PLCH1: variants seen among roughly 807,000 people sequenced by gnomAD.
PLCH1 encodes 1-phosphatidylinositol 4,5-bisphosphate phosphodiesterase eta-1.
PLCH1 carries 60 observed loss-of-function variants against 126.7 expected under a neutral mutation model. The observed-to-expected ratio is 0.47, with a 90% confidence interval of 0.38 to 0.59. The LOEUF (loss-of-function observed/expected upper bound fraction) is 0.59, where lower values mean the gene tolerates loss of function less well. PLCH1 is among the 20% of genes least tolerant of loss of function. PLCH1 has a pLI of 0.00. For missense variants in PLCH1, 1,723 were observed against 2,040.0 expected (o/e 0.84, Z 2.99); for synonymous variants, 719 against 734.9 (o/e 0.98, Z 0.35).
chr3:155,669,927 C>T (rs528153163), intron 2 of PLCH1, among the ~76,000 whole-genome samples: 7 of 152,196 alleles, frequency 4.6e-5, no homozygotes, highest in Admixed American at 6.5e-5. Context: ...ACATCAATGG[C>T]GTAACTCCTT....
chr3:155,556,268 G>A (rs952552361), intron 8 of PLCH1, among the ~76,000 whole-genome samples: 2 of 152,124 alleles, frequency 1.3e-5, no homozygotes, highest in East Asian at 1.9e-4. Context: ...CAGGAGAATC[G>A]CTTGAACCCG....
intron 2 of PLCH1, among the ~76,000 whole-genome samples, chr3:155,648,374 C>T (rs971643698): frequency 2.0e-5 from 3 of 152,184 alleles, no homozygotes; most frequent in South Asian, 2.1e-4. Flanking sequence ...GGCAACTTTA[C>T]GGACAGATGG....
intron 2 of PLCH1, among the ~76,000 whole-genome samples, chr3:155,678,709 C>A (rs908280617): frequency 1.3e-5 from 2 of 152,162 alleles, no homozygotes; most frequent in African/African-American, 2.4e-5. Flanking sequence ...ACCTCAACAA[C>A]CTTACAGCCT....
chr3:155,705,132 G>A (rs1195999873), intron 1 of PLCH1, among the ~76,000 whole-genome samples: 1 of 152,130 alleles, frequency 6.6e-6, no homozygotes, highest in African/African-American at 2.4e-5. Context: ...ACCCACAGGT[G>A]GAAAACAATT....
chr3:155,629,985 G>A (rs1737836455), intron 2 of PLCH1, among the ~76,000 whole-genome samples: 1 of 152,192 alleles, frequency 6.6e-6, no homozygotes, highest in African/African-American at 2.4e-5. Flanking sequence ...ATCTAAAGCA[G>A]CCTCCTAGTT....
At chr3:155,608,451 A>T (rs1005179689) in intron 2 of PLCH1, among the ~76,000 whole-genome samples, 1 of 151,944 alleles carries the variant, frequency 6.6e-6, no homozygotes, top group African/African-American at 2.4e-5. Context: ...GCAAGGTCTG[A>T]GCCTGGTGCA....
chr3:155,722,153 G>A (rs1229777454), intron 1 of PLCH1, among the ~76,000 whole-genome samples: 1 of 152,040 alleles, frequency 6.6e-6, no homozygotes, highest in East Asian at 1.9e-4. Flanking sequence ...CTGTGGGTTT[G>A]TCGTAGATGT....
intron 12 of PLCH1, 69 bp from the exon 13 acceptor site, chr3:155,504,695 G>T: frequency 9.7e-7 from 1 of 1,032,276 alleles, no homozygotes; most frequent in Non-Finnish European, 1.5e-6. Context: ...AGTTCTGGTG[G>T]AATAGCAAGG....
chr3:155,500,287 T>C (rs1034862106), intron 14 of PLCH1, among the ~76,000 whole-genome samples: 2 of 152,238 alleles, frequency 1.3e-5, no homozygotes, highest in Non-Finnish European at 2.9e-5. Flanking sequence ...AAGAGACAGA[T>C]ACAATGAGGA....
chr3:155,674,186 T>C (rs1743850975), intron 2 of PLCH1, among the ~76,000 whole-genome samples: 1 of 152,218 alleles, frequency 6.6e-6, no homozygotes, highest in South Asian at 2.1e-4. Context: ...CTTCTCAGTG[T>C]TGTTCAGAAT....
intron 11 of PLCH1, among the ~76,000 whole-genome samples, chr3:155,521,936 T>A (rs896643450): frequency 6.6e-6 from 1 of 152,246 alleles, no homozygotes; most frequent in African/African-American, 2.4e-5. Context: ...CATGGAATCA[T>A]GTTCCAAACC....
chr3:155,582,673 G>A (rs999301292), intron 6 of PLCH1, among the ~76,000 whole-genome samples: 46 of 152,086 alleles, frequency 3.0e-4, no homozygotes, highest in African/African-American at 1.1e-3. Context: ...ATATTAAGAC[G>A]ATTGGTCCAT....
intron 10 of PLCH1, among the ~76,000 whole-genome samples, chr3:155,541,259 T>A (rs1052264894): frequency 6.6e-6 from 1 of 152,104 alleles, no homozygotes; most frequent in African/African-American, 2.4e-5. Flanking sequence ...GGGCAAGGGA[T>A]AAAAGACTGC....
chr3:155,730,353 C>T (rs1748680156), intron 1 of PLCH1, among the ~76,000 whole-genome samples: 1 of 151,926 alleles, frequency 6.6e-6, no homozygotes, highest in African/African-American at 2.4e-5. Context: ...GTAACCTTGG[C>T]TCACTACAAC....
At chr3:155,526,224 C>T (rs1041119441) in intron 10 of PLCH1, among the ~76,000 whole-genome samples, 2 of 152,112 alleles carry the variant, frequency 1.3e-5, no homozygotes, top group African/African-American at 4.8e-5. Flanking sequence ...GCAATCCCCT[C>T]CCTTTGAGCG....
At chr3:155,674,030 G>C (rs1320243458) in intron 2 of PLCH1, among the ~76,000 whole-genome samples, 1 of 152,114 alleles carries the variant, frequency 6.6e-6, no homozygotes, top group East Asian at 1.9e-4. Flanking sequence ...ACAACCTTGT[G>C]AGGTAAGCAA....
At chr3:155,615,092 A>G (rs866335329) in intron 2 of PLCH1, among the ~76,000 whole-genome samples, 7 of 152,196 alleles carry the variant, frequency 4.6e-5, no homozygotes, top group Admixed American at 2.6e-4. Context: ...CAGCAAGAAA[A>G]AAACAAAAAA....
chr3:155,733,660 G>T (rs1318805200), intron 1 of PLCH1, among the ~76,000 whole-genome samples: 1 of 151,538 alleles, frequency 6.6e-6, no homozygotes, highest in Non-Finnish European at 1.5e-5. Context: ...TCTGAGCAAT[G>T]ATTTTTTGGA....
At chr3:155,679,749 C>G (rs950202289) in intron 2 of PLCH1, among the ~76,000 whole-genome samples, 1 of 152,130 alleles carries the variant, frequency 6.6e-6, no homozygotes, top group African/African-American at 2.4e-5. Flanking sequence ...TACCAGACAC[C>G]ACTATGCAAA....
Sources: allele counts gnomAD v4.1 joint callset (sites outside exome capture counted in the v4.1 genomes callset), GRCh38; gene constraint gnomAD v4.1.1; transcripts MANE v1.5; gene names NCBI Gene and HGNC (gene_info 2026-07-23, HGNC 2026-07-21).